CHEK1: variants seen among roughly 807,000 people sequenced by gnomAD.
The protein encoded by CHEK1 is checkpoint kinase 1.
Under a neutral mutation model 60.2 loss-of-function variants are expected in CHEK1, and 32 were observed. The ratio of observed to expected loss-of-function variants is 0.53; its 90% CI spans 0.40 to 0.71. CHEK1 has a LOEUF of 0.71. CHEK1 is among the 30% of genes least tolerant of loss of function. The pLI is 0.00. For synonymous variants in CHEK1, 179 were observed against 187.2 expected, an observed-to-expected ratio of 0.96 and a Z score of 0.36; for missense variants, 399 against 564.6, an observed-to-expected ratio of 0.71 and a Z score of 2.97.
intron 11 of CHEK1, among the ~76,000 whole-genome samples, chr11:125,650,327 T>C (rs1234352388): frequency 2.0e-5 from 3 of 152,134 alleles, no homozygotes; most frequent in African/African-American, 7.2e-5. Context: ...TTTCCTTACA[T>C]GCTTTGTAAT....
chr11:125,678,258 T>C, downstream of CHEK1: 1 of 1,614,128 alleles, frequency 6.2e-7, no homozygotes, highest in Non-Finnish European at 8.5e-7. Flanking sequence ...AGTTTGATGA[T>C]CTATGGAGCC....
At chr11:125,679,208 G>A (rs1481135433), downstream of CHEK1, among the ~76,000 whole-genome samples, 1 of 83,566 alleles carries the variant, frequency 1.2e-5, no homozygotes, top group African/African-American at 4.3e-5. Context: ...CCTTTAATCC[G>A]TCTCTTTCTT....
rs184405894 is a variant in CHEK1, at chr11:125,625,600, A to T, written c.-433A>T. ...GCAGCCTTTCAGGCCCAGAGCGGCC[A>T]GGAGCGAAGCCCGCAGCCCCGCCTG... On this transcript the variant is annotated 5_prime_UTR_variant, in exon 1 of 13. Coordinates refer to ENST00000438015, the MANE Select transcript of CHEK1 (RefSeq NM_001114122.3). 1.7e-6 allele frequency: 1 copy of T among 595,292 alleles called. No homozygotes were observed. Among genetic ancestry groups the T allele is most frequent in the Non-Finnish European group, 3.0e-6 (1 of 333,514 alleles). 36.9% of individuals were successfully genotyped at this position (595,292 alleles called of 1,614,324 possible).
chr11:125,629,580 G>T, intron 5 of CHEK1, 120 bp downstream of exon 5: 3 of 690,522 alleles, frequency 4.3e-6, no homozygotes, highest in South Asian at 5.1e-5. Context: ...TGCATTACTG[G>T]AATTTCAAGA....
At chr11:125,668,680 G>A (rs758901966) in intron 13 of CHEK1, among the ~76,000 whole-genome samples, 13 of 152,040 alleles carry the variant, frequency 8.6e-5, no homozygotes, top group Non-Finnish European at 1.5e-4. Context: ...TAGTCTCTGG[G>A]TAACTGGGAC....
chr11:125,666,511 G>C (rs1013115955), intron 13 of CHEK1, among the ~76,000 whole-genome samples: 6 of 152,140 alleles, frequency 3.9e-5, no homozygotes, highest in Non-Finnish European at 8.8e-5. Context: ...ATGTCTGTTA[G>C]ATCTGTTTGG....
In CHEK1 at chr11:125,647,004, C is replaced by T. The variant is rs3731463; in HGVS notation, c.1233+2361C>T. ...GGATCTATAATTTCTCTTTTGTTGC[C>T]TATGCTTTTAGTGTCAAATTTAAGA... On this transcript the variant is annotated intron_variant, in intron 11 of 12. Transcript: ENST00000438015. Among the ~76,000 whole-genome samples, 804 of 152,090 alleles carry T rather than the reference C, an allele frequency of 5.3e-3. 2 individuals carry two copies. Among genetic ancestry groups the T allele is most frequent in the Non-Finnish European group, 9.1e-3 (618 of 67,970 alleles).
At chr11:125,680,864 A>C (rs1942767187), downstream of CHEK1, 5 of 1,135,238 alleles carry the variant, frequency 4.4e-6, no homozygotes, top group Admixed American at 9.6e-5. Flanking sequence ...AAAAGCTTCC[A>C]GTGCTGAAGC....
chr11:125,667,699 C>T (rs1022163456), intron 13 of CHEK1, among the ~76,000 whole-genome samples: 1 of 152,182 alleles, frequency 6.6e-6, no homozygotes, highest in Non-Finnish European at 1.5e-5. Context: ...CAGTTCACTG[C>T]AACCTCTGCC....
chr11:125,669,655 C>CTGG (rs1011148905), intron 13 of CHEK1, among the ~76,000 whole-genome samples: 1 of 151,168 alleles, frequency 6.6e-6, no homozygotes, highest in African/African-American at 2.4e-5. Context: ...TTCCAAATAG[C>CTGG]TGGGATTACA....
In CHEK1 at chr11:125,653,625, G is replaced by A; in HGVS notation, c.1234-121G>A. The A allele has an allele frequency of 1.6e-6, 1 of 626,256 alleles. No individual in the cohort carries two copies. The highest frequency in any genetic ancestry group is 1.9e-5 in the South Asian group (1 of 53,648). The allele number at this position is 626,256 out of a possible 1,614,324, so 38.8% of individuals were successfully genotyped here. A position where few individuals can be genotyped will look rare whatever the true frequency, so the allele number is the denominator to read the frequency against. ...CCTTTGGATCAGTAGTGGGATTGCT[G>A]GAACATATAGGTAGTTTTATTTGTA... On this transcript the variant is annotated intron_variant, in intron 11 of 12. Coordinates refer to ENST00000438015, the MANE Select transcript of CHEK1 (RefSeq NM_001114122.3). The surrounding 1 kb of genome is among the most constrained non-coding windows in gnomAD (Gnocchi z 4.3).
At chr11:125,675,289 ACT>A (rs1224902120) in intron 13 of CHEK1, among the ~76,000 whole-genome samples, 3 of 151,232 alleles carry the variant, frequency 2.0e-5, no homozygotes, top group African/African-American at 4.9e-5. Flanking sequence ...CTTTCCCTGA[ACT>A]CTCTGCACTT....
chr11:125,672,635 T>C, intron 13 of CHEK1: 1 of 1,614,124 alleles, frequency 6.2e-7, no homozygotes. Context: ...AGCATATAAT[T>C]TGCATCCTCG....
chr11:125,680,705 C>A, downstream of CHEK1: 1 of 1,607,944 alleles, frequency 6.2e-7, no homozygotes, highest in Non-Finnish European at 8.5e-7. Context: ...TTGTATTTAC[C>A]TGAAGCCTAG....
chr11:125,632,374 A>G (rs1297617193), intron 5 of CHEK1, among the ~76,000 whole-genome samples: 2 of 152,180 alleles, frequency 1.3e-5, no homozygotes, highest in African/African-American at 2.4e-5. Flanking sequence ...GCCCTCTGAT[A>G]ATAGAGGGCC....
intron 13 of CHEK1, among the ~76,000 whole-genome samples, chr11:125,667,349 T>C (rs1172263533): frequency 1.3e-5 from 2 of 152,216 alleles, no homozygotes; most frequent in African/African-American, 4.8e-5. Flanking sequence ...TTCTTTTTCA[T>C]GGCTGCATAT....
intron 8 of CHEK1, among the ~76,000 whole-genome samples, chr11:125,638,297 T>C (rs968318175): frequency 1.3e-5 from 2 of 152,186 alleles, no homozygotes; most frequent in African/African-American, 4.8e-5. Context: ...TAGGTTTTTC[T>C]GCTAGTTGTC....
chr11:125,644,615 A>G lies in CHEK1; in HGVS notation c.1205A>G (p.Tyr402Cys), dbSNP rs2136030128. 1 of 1,614,164 alleles carries G rather than the reference A, an allele frequency of 6.2e-7. No individual in the cohort carries two copies. Among genetic ancestry groups the G allele is most frequent in the Non-Finnish European group, 8.5e-7 (1 of 1,180,026 alleles). ...CLKETCEKLG[Y>C]QWKKSCMNQV... The stretch of plus-strand genomic sequence containing the variant: ...AAAGAGACTTGTGAGAAGTTGGGCT[A>G]TCAATGGAAGAAAAGTTGTATGAAT... Residue 402 changes from tyrosine to cysteine, a missense_variant, in exon 11 of 13, where the codon TAT becomes TGT. This residue lies in a region of CHEK1 where 370 missense variants were observed against 494.8 expected (regional missense o/e 0.75). Coordinates refer to ENST00000438015, the MANE Select transcript of CHEK1 (RefSeq NM_001114122.3).
At position 125,637,463 on chromosome 11, in the gene CHEK1, A is replaced by G. The variant is rs777516943; in HGVS notation, c.733A>G (p.Ile245Val). 1.9e-6 allele frequency: 3 copies of G among 1,605,530 alleles called. No individual in the cohort carries two copies. Among genetic ancestry groups the G allele is most frequent in the South Asian group, 1.1e-5 (1 of 89,558 alleles). The change falls in exon 8 of 13, where the codon ATC becomes GTC. Residue 245 changes from isoleucine to valine, a missense_variant. By Grantham distance (29) the Ile-to-Val change is conservative. This residue lies in a region of CHEK1 where 370 missense variants were observed against 494.8 expected (regional missense o/e 0.75). Transcript: ENST00000438015. ...TTTGTTTTTAGCTCTGCTGCATAAA[A>G]TCTTAGTTGAGAATCCATCAGCAAG... is the stretch of plus-strand genomic sequence containing the variant. The part of the protein sequence containing the change: ...DSAPLALLHK[I>V]LVENPSARIT...
Sources: allele counts gnomAD v4.1 joint callset (sites outside exome capture counted in the v4.1 genomes callset), GRCh38; gene constraint gnomAD v4.1.1; regional missense constraint gnomAD v4.1.1; non-coding constraint Gnocchi (gnomAD v3.1); transcripts MANE v1.5; gene names NCBI Gene and HGNC (gene_info 2026-07-23, HGNC 2026-07-21).